Variants in WARS2 observed in about 807,000 individuals in gnomAD.
WARS2 encodes tryptophan--tRNA ligase, mitochondrial.
WARS2 carries 28 observed loss-of-function variants against 36.5 expected under a neutral mutation model. That is an observed-to-expected ratio of 0.77 (90% confidence interval 0.57 to 1.05). WARS2 has a LOEUF of 1.05. Ranked by LOEUF, WARS2 falls within the 50% of genes least tolerant of loss-of-function variation. The pLI, the probability that WARS2 is intolerant of heterozygous loss-of-function variation, is 0.00. For missense variants in WARS2, 435 were observed against 456.8 expected, an observed-to-expected ratio of 0.95 and a Z score of 0.44; for synonymous variants, 174 against 178.4, an observed-to-expected ratio of 0.98 and a Z score of 0.20.
At chr1:119,123,728 A>C (rs1393189267) in intron 1 of WARS2, among the ~76,000 whole-genome samples, 1 of 152,060 alleles carries the variant, frequency 6.6e-6, no homozygotes, top group African/African-American at 2.4e-5. Flanking sequence ...TCTGGTTCTC[A>C]TCATCCCAAC....
At chr1:119,061,067 A>G (rs1650337991) in intron 2 of WARS2, among the ~76,000 whole-genome samples, 1 of 152,202 alleles carries the variant, frequency 6.6e-6, no homozygotes, top group South Asian at 2.1e-4. Flanking sequence ...TAAAAAAACA[A>G]CAGATTTTTA....
Position 119,042,271 on chromosome 1 carries a change from A to G in WARS2, c.508T>C (p.Leu170=). The stretch of plus-strand genomic sequence containing the variant: ...GCTGAACTCTCTTCTTACTTGTACA[A>G]CAGAATGTCGGCTGCCTGGAGTACT... ...YPVLQAADIL[L]YKSTHVPVGE... The change falls in exon 4 of 6, where the codon TTG becomes CTG. Residue 170 remains leucine, a synonymous_variant. Transcript: ENST00000235521. 6.2e-7 allele frequency: 1 copy of G among 1,613,896 alleles called. No individual in the cohort carries two copies. Among genetic ancestry groups the G allele is most frequent in the South Asian group, 1.1e-5 (1 of 91,068 alleles).
intron 1 of WARS2, among the ~76,000 whole-genome samples, chr1:119,118,999 A>G (rs587637956): frequency 6.6e-6 from 1 of 152,318 alleles, no homozygotes; most frequent in Non-Finnish European, 1.5e-5. Flanking sequence ...TGGCCTATAA[A>G]AAAGTAACAC....
chr1:119,101,267 T>C (rs1571358457), intron 1 of WARS2, among the ~76,000 whole-genome samples: 1 of 152,146 alleles, frequency 6.6e-6, no homozygotes, highest in South Asian at 2.1e-4. Flanking sequence ...CATTATGTAT[T>C]ATATACATGT....
intron 1 of WARS2, among the ~76,000 whole-genome samples, chr1:119,107,461 GTGTC>G (rs1654319255): frequency 6.6e-6 from 1 of 152,022 alleles, no homozygotes; most frequent in South Asian, 2.1e-4. Context: ...GAAGGGTGTA[GTGTC>G]TGTGTCTAGA....
At chr1:119,101,845 C>T (rs1653891316) in intron 1 of WARS2, among the ~76,000 whole-genome samples, 1 of 152,162 alleles carries the variant, frequency 6.6e-6, no homozygotes, top group African/African-American at 2.4e-5. Flanking sequence ...ACAATGTGTG[C>T]TAGTTCTAAC....
At chr1:119,042,493 G>T in intron 3 of WARS2, 144 bp from the exon 4 acceptor site, 1 of 675,360 alleles carries the variant, frequency 1.5e-6, no homozygotes. Context: ...TTCCTTTTTA[G>T]CAACTCTAGC....
intron 1 of WARS2, among the ~76,000 whole-genome samples, chr1:119,119,808 A>G (rs992285285): frequency 4.6e-5 from 7 of 152,290 alleles, no homozygotes; most frequent in African/African-American, 1.7e-4. Flanking sequence ...TTACTGAATG[A>G]TCCTTAGGTC....
At chr1:119,083,259 TAG>T (rs1340192699) in intron 1 of WARS2, among the ~76,000 whole-genome samples, 1 of 151,708 alleles carries the variant, frequency 6.6e-6, no homozygotes, top group Non-Finnish European at 1.5e-5. Flanking sequence ...AGGAAAGATT[TAG>T]AGAAAGTATA....
At chr1:119,135,706 TTAGATAGAC>T (rs1467692539) in intron 1 of WARS2, among the ~76,000 whole-genome samples, 1 of 138,962 alleles carries the variant, frequency 7.2e-6, no homozygotes, top group East Asian at 2.2e-4. Context: ...GATAGATAGA[TTAGATAGAC>T]AGATAGATAG....
intron 1 of WARS2, chr1:119,085,272 G>T: frequency 1.0e-6 from 1 of 966,516 alleles, no homozygotes; most frequent in South Asian, 1.3e-5. Flanking sequence ...TGCCCAACCA[G>T]AGTAGGCAGT....
intron 2 of WARS2, among the ~76,000 whole-genome samples, chr1:119,070,199 TG>T (rs1216756557): frequency 6.6e-6 from 1 of 152,234 alleles, no homozygotes; most frequent in South Asian, 2.1e-4. Flanking sequence ...ATTTAATTCC[TG>T]TGGCTGTTTT....
intron 1 of WARS2, among the ~76,000 whole-genome samples, chr1:119,100,135 T>C (rs997682908): frequency 6.6e-6 from 1 of 151,924 alleles, no homozygotes; most frequent in Non-Finnish European, 1.5e-5. Flanking sequence ...CATTAAAAAG[T>C]AGGGAAAGGA....
At chr1:119,080,295 C>T (rs946454836) in intron 1 of WARS2, among the ~76,000 whole-genome samples, 3 of 152,102 alleles carry the variant, frequency 2.0e-5, no homozygotes, top group Admixed American at 1.3e-4. Flanking sequence ...AATATTTTCA[C>T]ATATATTCCT....
At position 119,033,021 on chromosome 1, in the gene WARS2, T is replaced by G. The variant is rs751126372; in HGVS notation, c.973A>C (p.Lys325Gln). Residue 325 changes from lysine (K) to glutamine (Q), a missense_variant, in exon 6 of 6, where the codon AAG becomes CAG. Physicochemically the swap from Lys to Gln is moderately conservative, Grantham distance 53 (BLOSUM62 1). Coordinates refer to ENST00000235521, the MANE Select transcript of WARS2 (RefSeq NM_015836.4). Reference protein sequence around the residue: ...APIKREIEKLKLDKDHLEKVL... With the variant: ...APIKREIEKLQLDKDHLEKVL... ...TTCTCTAAATGGTCCTTGTCCAGCT[T>G]CAGTTTTTCAATTTCACGCTTAATT... is the stretch of plus-strand genomic sequence containing the variant. The G allele has an allele frequency of 6.2e-7, 1 of 1,614,266 alleles. No homozygotes were observed. Among genetic ancestry groups the G allele is most frequent in the South Asian group, 1.1e-5 (1 of 91,092 alleles).
At chr1:119,126,198 A>C (rs1439995154) in intron 1 of WARS2, among the ~76,000 whole-genome samples, 1 of 151,970 alleles carries the variant, frequency 6.6e-6, no homozygotes. Flanking sequence ...CCAAGACAAA[A>C]ACTCCAATCC....
intron 1 of WARS2, among the ~76,000 whole-genome samples, chr1:119,095,823 T>C (rs1653402078): frequency 1.3e-5 from 2 of 152,206 alleles, no homozygotes; most frequent in African/African-American, 4.8e-5. Context: ...TGGCAATCTA[T>C]ATAGAGATGC....
chr1:119,056,716 T>C (rs1273221206), intron 2 of WARS2, among the ~76,000 whole-genome samples: 1 of 151,940 alleles, frequency 6.6e-6, no homozygotes, highest in Non-Finnish European at 1.5e-5. Flanking sequence ...CTCATGTCCC[T>C]TTGTACCCCT....
At chr1:119,037,372 A>G (rs1481797540) in intron 4 of WARS2, among the ~76,000 whole-genome samples, 2 of 152,172 alleles carry the variant, frequency 1.3e-5, no homozygotes, top group Non-Finnish European at 2.9e-5. Context: ...CGTTGCCTAC[A>G]TATATCTGCT....
Sources: gnomAD v4.1 joint callset for allele counts (sites outside exome capture counted in the v4.1 genomes callset) on GRCh38, gnomAD v4.1.1 for gene constraint, MANE v1.5 for transcripts, NCBI Gene and HGNC (gene_info 2026-07-23, HGNC 2026-07-21) for gene names.